The following RAB3C variants were observed in gnomAD, a reference collection of about 807,000 sequenced individuals.
RAB3C encodes RAB3C, member RAS oncogene family.
A neutral mutation model predicts 26.4 loss-of-function variants in RAB3C; 17 were observed. The observed-to-expected ratio is 0.64, with a 90% CI of 0.44 to 0.97. The LOEUF (loss-of-function observed/expected upper bound fraction) is 0.97. Among genes scored for constraint, RAB3C ranks in the 50% least tolerant of loss-of-function variants. RAB3C has a pLI of 0.00. For synonymous variants in RAB3C, 91 were observed against 95.9 expected (o/e 0.95, Z 0.30); for missense variants, 242 against 281.9 (o/e 0.86, Z 1.01).
chr5:58,770,835 A>G (rs991903430), intron 3 of RAB3C, among the ~76,000 whole-genome samples: 7 of 152,274 alleles, frequency 4.6e-5, no homozygotes, highest in African/African-American at 1.7e-4. Flanking sequence ...TTCACAGGAA[A>G]CAGGACAAAA....
chr5:58,587,564 AG>A (rs1349675014), intron 1 of RAB3C, among the ~76,000 whole-genome samples: 1 of 152,204 alleles, frequency 6.6e-6, no homozygotes, highest in Non-Finnish European at 1.5e-5. Flanking sequence ...ATTAGTTTAT[AG>A]GTTTTTAGAT....
intron 2 of RAB3C, among the ~76,000 whole-genome samples, chr5:58,662,350 G>A (rs1185827040): frequency 2.7e-5 from 4 of 150,098 alleles, no homozygotes; most frequent in Non-Finnish European, 4.4e-5. Flanking sequence ...TTTTCTTCAT[G>A]CTGATTCCTT....
rs866623673 is a variant in RAB3C, at chr5:58,753,710, T to C, written c.371+27590T>C. Among the ~76,000 whole-genome samples, 9 of 152,122 alleles carry C rather than the reference T, an allele frequency of 5.9e-5. 1 individual carries two copies. In the Middle Eastern group the frequency reaches 0.024, roughly 402 times the overall value. On this transcript the variant is annotated intron_variant, in intron 3 of 4. Coordinates refer to ENST00000282878, the MANE Select transcript of RAB3C (RefSeq NM_138453.4). ...ATGAAAGATACAAAGGCAAGTAGCA[T>C]GGGAGAAGTTACAAGAGACAAGAAC...
At chr5:58,639,744 C>T (rs1747372989) in intron 2 of RAB3C, among the ~76,000 whole-genome samples, 1 of 152,140 alleles carries the variant, frequency 6.6e-6, no homozygotes, top group African/African-American at 2.4e-5. Context: ...CCCAGAATCA[C>T]CTCCCAAATA....
chr5:58,842,704 T>C (rs755170879), intron 4 of RAB3C, among the ~76,000 whole-genome samples: 1 of 152,254 alleles, frequency 6.6e-6, no homozygotes, highest in Non-Finnish European at 1.5e-5. Context: ...TCCTTTTCCA[T>C]ATTCAAACTT....
intron 2 of RAB3C, among the ~76,000 whole-genome samples, chr5:58,718,283 T>C (rs1178081000): frequency 2.0e-5 from 3 of 152,104 alleles, no homozygotes; most frequent in Non-Finnish European, 2.9e-5. Context: ...TGCCTCTATA[T>C]ACTTTCGGCT....
intron 4 of RAB3C, among the ~76,000 whole-genome samples, chr5:58,838,397 T>C (rs1743796860): frequency 6.6e-6 from 1 of 151,976 alleles, no homozygotes; most frequent in African/African-American, 2.4e-5. Flanking sequence ...AAAAAAACTT[T>C]TTGTTTCATT....
Position 58,636,100 on chromosome 5 carries a change from G to A in RAB3C, c.252+18230G>A, listed in dbSNP as rs139579546. On this transcript the variant is annotated intron_variant, in intron 2 of 4. Coordinates refer to ENST00000282878, the MANE Select transcript of RAB3C (RefSeq NM_138453.4). ...ACTTGAGGCAGCTGAAATAATTACT[G>A]TATTTATTATTTTGGCTCCACCCCA... 3.8e-3 allele frequency among the ~76,000 whole-genome samples: 578 copies of A among 152,308 alleles called. 3 individuals are homozygous for A. The highest frequency in any genetic ancestry group is 5.7e-3 in the Non-Finnish European group (387 of 68,022).
rs74471456 is a variant in RAB3C at position 58,676,110 on chromosome 5, C to G, written c.253-49892C>G. On this transcript the variant is annotated intron_variant, in intron 2 of 4. Coordinates refer to ENST00000282878, the MANE Select transcript of RAB3C (RefSeq NM_138453.4). ...CCCAAATCCCAGAGGACATAAGTCA[C>G]GCTTTCTGAGGGGTTCTCTGAAGCC... 2.9e-3 allele frequency among the ~76,000 whole-genome samples: 442 copies of G among 152,244 alleles called. 2 individuals are homozygous for G. The highest frequency in any genetic ancestry group is 0.01 in the African/African-American group (419 of 41,544).
At chr5:58,760,771 ACTT>A (rs1175059223) in intron 3 of RAB3C, among the ~76,000 whole-genome samples, 1 of 152,182 alleles carries the variant, frequency 6.6e-6, no homozygotes, top group Non-Finnish European at 1.5e-5. Flanking sequence ...CTTGAAAACA[ACTT>A]CATTTCTGCC....
intron 2 of RAB3C, among the ~76,000 whole-genome samples, chr5:58,698,737 G>T (rs890618084): frequency 1.3e-5 from 2 of 152,122 alleles, no homozygotes; most frequent in Non-Finnish European, 2.9e-5. Context: ...GCTTGTGCAT[G>T]CATCACGAAG....
chr5:58,723,861 T>A (rs190629765), intron 2 of RAB3C, among the ~76,000 whole-genome samples: 1 of 151,918 alleles, frequency 6.6e-6, no homozygotes, highest in African/African-American at 2.4e-5. Context: ...TCCAAACTGC[T>A]AAGCATCTAA....
At chr5:58,696,352 G>A (rs1303988780) in intron 2 of RAB3C, among the ~76,000 whole-genome samples, 10 of 152,084 alleles carry the variant, frequency 6.6e-5, no homozygotes, top group East Asian at 1.9e-4. Flanking sequence ...TTTTTCCATC[G>A]ATATTTATCA....
chr5:58,842,341 C>A (rs1055619053), intron 4 of RAB3C, among the ~76,000 whole-genome samples: 8 of 152,110 alleles, frequency 5.3e-5, no homozygotes, highest in African/African-American at 9.7e-5. Flanking sequence ...GATGGCTAAT[C>A]TCATGGACTT....
intron 3 of RAB3C, among the ~76,000 whole-genome samples, chr5:58,787,977 C>G (rs1419828414): frequency 6.6e-6 from 1 of 152,122 alleles, no homozygotes. Flanking sequence ...GCAGATAAAG[C>G]CCAAAATACA....
At chr5:58,697,157 T>C (rs190111468) in intron 2 of RAB3C, among the ~76,000 whole-genome samples, 15 of 152,344 alleles carry the variant, frequency 9.8e-5, no homozygotes, top group African/African-American at 3.6e-4. Flanking sequence ...AACATCTTTA[T>C]TTCTACCTTC....
rs1292622001 is a variant in RAB3C, at chr5:58,843,564, A to G, written c.497-7600A>G. Among the ~76,000 whole-genome samples, 3 of 152,240 alleles carry G rather than the reference A, an allele frequency of 2.0e-5. No homozygotes were observed. The East Asian group carries it at 5.8e-4, about 29-fold the overall frequency. On this transcript the variant is annotated intron_variant, in intron 4 of 4. Coordinates refer to ENST00000282878, the MANE Select transcript of RAB3C (RefSeq NM_138453.4). Reference sequence around the variant, plus strand: ...AATCATAAATGATCCTTATCTCTTTATTAAAACCAATATGACAGAACATTG... The same window carrying G: ...AATCATAAATGATCCTTATCTCTTTGTTAAAACCAATATGACAGAACATTG...
intron 4 of RAB3C, among the ~76,000 whole-genome samples, chr5:58,826,558 T>C (rs1441442087): frequency 1.3e-5 from 2 of 152,158 alleles, no homozygotes; most frequent in African/African-American, 4.8e-5. Context: ...TTTAACCTTT[T>C]TGGCCAGGAC....
At chr5:58,785,680 C>T (rs2112007357) in intron 3 of RAB3C, among the ~76,000 whole-genome samples, 1 of 152,246 alleles carries the variant, frequency 6.6e-6, no homozygotes, top group East Asian at 1.9e-4. Flanking sequence ...TGTTCACATC[C>T]TAATCTCTAG....
Sources: gnomAD v4.1 joint callset for allele counts (sites outside exome capture counted in the v4.1 genomes callset) on GRCh38, gnomAD v4.1.1 for gene constraint, MANE v1.5 for transcripts, NCBI Gene and HGNC (gene_info 2026-07-23, HGNC 2026-07-21) for gene names.